NFAT5: variants seen among roughly 807,000 people sequenced by gnomAD.
NFAT5 encodes nuclear factor of activated T cells 5.
In NFAT5, 31 loss-of-function variants were observed where a neutral mutation model predicts 166.5. That is an observed-to-expected ratio of 0.19 (90% confidence interval 0.14 to 0.25). The LOEUF (loss-of-function observed/expected upper bound fraction) is 0.25. Among genes scored for constraint, NFAT5 ranks in the 10% least tolerant of loss-of-function variants. The pLI is 1.00. For synonymous variants in NFAT5, 612 were observed against 639.7 expected (o/e 0.96, Z 0.65); for missense variants, 1,449 against 1,821.8 (o/e 0.80, Z 3.72).
intron 10 of NFAT5, among the ~76,000 whole-genome samples, chr16:69,681,070 A>G (rs769669592): frequency 6.6e-5 from 10 of 152,086 alleles, no homozygotes; most frequent in Non-Finnish European, 1.2e-4. Context: ...TTTGTATTTT[A>G]TGAAATGTAA....
rs530167504 is a variant in NFAT5 at position 69,662,903 on chromosome 16, C to G, written c.1369+3004C>G. ...AAAGAAGAATAAACATAAAAATGAT[C>G]TACAGTAAAACACAGGACCCAAAAA... On this transcript the variant is annotated intron_variant, in intron 7 of 14. Transcript: ENST00000349945. 3.3e-3 allele frequency among the ~76,000 whole-genome samples: 294 copies of G among 89,270 alleles called. 4 individuals carry two copies. Among genetic ancestry groups the G allele is most frequent in the African/African-American group, 0.012 (283 of 23,348 alleles). 58.6% of individuals were successfully genotyped at this position (89,270 alleles called of 152,430 possible). A position where few individuals can be genotyped will look rare whatever the true frequency, so the allele number is the denominator to read the frequency against.
intron 2 of NFAT5, among the ~76,000 whole-genome samples, chr16:69,604,618 A>G (rs1467221198): frequency 6.6e-6 from 1 of 152,148 alleles, no homozygotes; most frequent in Non-Finnish European, 1.5e-5. Context: ...ACAATAAATC[A>G]ATCATTTTAA....
intron 2 of NFAT5, among the ~76,000 whole-genome samples, chr16:69,625,362 A>C (rs960326956): frequency 6.6e-6 from 1 of 151,948 alleles, no homozygotes; most frequent in African/African-American, 2.4e-5. Context: ...GTATTACAAA[A>C]TATTTTTAAA....
intron 3 of NFAT5, among the ~76,000 whole-genome samples, chr16:69,629,859 C>G (rs1195809147): frequency 6.6e-6 from 1 of 151,176 alleles, no homozygotes; most frequent in African/African-American, 2.4e-5. Context: ...GCCTAAACCC[C>G]CTGGGCTCAA....
intron 3 of NFAT5, chr16:69,632,472 G>T (rs1014706048): frequency 6.6e-6 from 1 of 152,128 alleles, no homozygotes; most frequent in South Asian, 2.1e-4. Flanking sequence ...AGAATATTGA[G>T]TTGAAAAGCC....
intron 5 of NFAT5, 124 bp downstream of exon 5, chr16:69,653,552 A>G: frequency 1.7e-6 from 1 of 595,570 alleles, no homozygotes; most frequent in Non-Finnish European, 2.7e-6. Context: ...TTTGAATTAG[A>G]TTCATCCCAA....
chr16:69,625,737 G>T (rs2034425587), intron 2 of NFAT5, among the ~76,000 whole-genome samples: 1 of 151,936 alleles, frequency 6.6e-6, no homozygotes, highest in Non-Finnish European at 1.5e-5. Flanking sequence ...TATGTAAAGG[G>T]TAAGTTTTAC....
intron 2 of NFAT5, among the ~76,000 whole-genome samples, chr16:69,618,671 C>A (rs1043956667): frequency 6.6e-6 from 1 of 152,062 alleles, no homozygotes; most frequent in Non-Finnish European, 1.5e-5. Context: ...TAAGGCATTT[C>A]ATTCCCAAAC....
At position 69,693,291 on chromosome 16, in the gene NFAT5, A is replaced by G. The variant is rs750787383; in HGVS notation, c.3466A>G (p.Thr1156Ala). The part of the protein sequence containing the change: ...GSSVPQDQQS[T>A]NIFLSQSPMN... ...TTCAGTTCCTCAAGACCAGCAGTCA[A>G]CCAACATATTTCTTTCCCAGAGTCC... Residue 1156 changes from threonine to alanine, a missense_variant, in exon 13 of 15, where the codon ACC becomes GCC. Around this residue, in one of 7 missense-constraint regions of NFAT5, gnomAD observed 891 missense variants for 993.0 expected, o/e 0.90. Transcript: ENST00000349945. 79 of 1,614,084 alleles carry G rather than the reference A, an allele frequency of 4.9e-5. No individual in the cohort carries two copies. Among genetic ancestry groups the G allele is most frequent in the Admixed American group, 1.5e-4 (9 of 60,008 alleles).
chr16:69,575,160 T>G (rs1256946660), intron 2 of NFAT5, among the ~76,000 whole-genome samples: 1 of 152,074 alleles, frequency 6.6e-6, no homozygotes, highest in Non-Finnish European at 1.5e-5. Context: ...AGTTGTTGAT[T>G]ATGCTTATTT....
At position 69,701,714 on chromosome 16, in the gene NFAT5, G is replaced by A. The variant is rs1160371021; in HGVS notation, c.*5363G>A. The stretch of plus-strand genomic sequence containing the variant: ...GATGTGTGTAAATTTCAGGAAGAAA[G>A]TGTTGAAAGCATTTTCTCTGATGTT... On this transcript the variant is annotated 3_prime_UTR_variant, in exon 15 of 15. Coordinates refer to ENST00000349945, the MANE Select transcript of NFAT5 (RefSeq NM_138713.4). 4 of 152,196 alleles carry A rather than the reference G, an allele frequency of 2.6e-5. No individual in the cohort carries two copies. Among genetic ancestry groups the A allele is most frequent in the Admixed American group, 2.6e-4 (4 of 15,276 alleles). 9.4% of individuals were successfully genotyped at this position (152,196 alleles called of 1,614,324 possible).
intron 2 of NFAT5, among the ~76,000 whole-genome samples, chr16:69,580,914 C>T (rs1567515679): frequency 6.6e-6 from 1 of 152,144 alleles, no homozygotes; most frequent in Non-Finnish European, 1.5e-5. Context: ...CTCGGCCTCC[C>T]GGAGAGCTGG....
intron 7 of NFAT5, among the ~76,000 whole-genome samples, chr16:69,669,274 G>A (rs1242097727): frequency 6.6e-6 from 1 of 152,146 alleles, no homozygotes; most frequent in Non-Finnish European, 1.5e-5. Context: ...TAGATTTTTG[G>A]CTGGGCATGG....
intron 2 of NFAT5, among the ~76,000 whole-genome samples, chr16:69,587,264 G>A (rs964618907): frequency 2.2e-4 from 33 of 151,546 alleles, no homozygotes; most frequent in Admixed American, 3.3e-4. Context: ...TAGTAGAGAC[G>A]GAGTTTCACC....
Position 69,685,222 on chromosome 16 carries a change from GTT to G in NFAT5, c.1774+255_1774+256del, listed in dbSNP as rs542370259. The G allele has an allele frequency of 2.3e-3, 335 of 147,376 alleles. 2 individuals are homozygous for G. Among genetic ancestry groups the G allele is most frequent in the South Asian group, 6.0e-3 (28 of 4,672 alleles). The allele number at this position is 147,376 out of a possible 1,614,324, so 9.1% of individuals were successfully genotyped here. A position where few individuals can be genotyped will look rare whatever the true frequency, so the allele number is the denominator to read the frequency against. On this transcript the variant is annotated intron_variant, in intron 11 of 14. Coordinates refer to ENST00000349945, the MANE Select transcript of NFAT5 (RefSeq NM_138713.4). ...TTTTTAAGTATATTGGAGTGGAGGA[GTT>G]TTGTTTTTTTTTTTAATTACCCAAT...
At position 69,670,271 on chromosome 16, in the gene NFAT5, A is replaced by C. The variant is rs756169271; in HGVS notation, c.1540A>C (p.Met514Leu). 3 of 1,583,932 alleles carry C rather than the reference A, an allele frequency of 1.9e-6. No homozygotes were observed. Among genetic ancestry groups the C allele is most frequent in the Admixed American group, 1.8e-5 (1 of 55,556 alleles). ...TTGGAAGTCAGAAGCTGAAATTGAT[A>C]TGGAACTATTTCATCAGGTAAAATT... ...NSWKSEAEID[M>L]ELFHQNHLIV... The change falls in exon 9 of 15, where the codon ATG becomes CTG. Residue 514 changes from methionine to leucine, a missense_variant. This residue lies in a region of NFAT5 where 245 missense variants were observed against 366.6 expected (regional missense o/e 0.67). Coordinates refer to ENST00000349945, the MANE Select transcript of NFAT5 (RefSeq NM_138713.4).
intron 2 of NFAT5, among the ~76,000 whole-genome samples, chr16:69,603,762 A>G (rs1309513132): frequency 3.9e-5 from 6 of 152,204 alleles, no homozygotes. Context: ...AAACAAACAC[A>G]GAACATATTT....
chr16:69,569,594 G>A (rs112500821), intron 2 of NFAT5, among the ~76,000 whole-genome samples: 7 of 152,022 alleles, frequency 4.6e-5, no homozygotes, highest in African/African-American at 1.7e-4. Context: ...CTGTGACTTC[G>A]GGCAAGTGAT....
intron 9 of NFAT5, 37 bp from the exon 10 acceptor site, chr16:69,677,166 G>C (rs1477847119): frequency 6.4e-7 from 1 of 1,572,128 alleles, no homozygotes; most frequent in Non-Finnish European, 8.6e-7. Context: ...TTTAAGTATT[G>C]CTTCTTTTCC....
Sources: gnomAD v4.1 joint callset for allele counts (sites outside exome capture counted in the v4.1 genomes callset) on GRCh38, gnomAD v4.1.1 for gene constraint, gnomAD v4.1.1 regional missense constraint, MANE v1.5 for transcripts, NCBI Gene and HGNC (gene_info 2026-07-23, HGNC 2026-07-21) for gene names.